Variants in SLC49A4 observed in about 807,000 individuals in gnomAD.
SLC49A4 encodes the protein disrupted in renal cancer protein 2.
In SLC49A4, 36 loss-of-function variants were observed where a neutral mutation model predicts 50.6. That is an observed-to-expected ratio of 0.71 (90% CI 0.55 to 0.94). The LOEUF is 0.94. SLC49A4 is among the 40% of genes least tolerant of loss of function. The probability of loss-of-function intolerance (pLI) is 0.00; values close to 1 mark genes in which losing one functional copy is unlikely to be tolerated. For synonymous variants in SLC49A4, 248 were observed against 241.2 expected (o/e 1.03, Z -0.26); for missense variants, 503 against 605.7 (o/e 0.83, Z 1.78).
At chr3:122,860,326 C>A in intron 7 of SLC49A4, 124 bp downstream of exon 7, 2 of 931,970 alleles carry the variant, frequency 2.1e-6, no homozygotes, top group Non-Finnish European at 1.5e-6. Flanking sequence ...AAAAGTTTCT[C>A]TTGTCCAGTC....
rs1935993567 is a variant in SLC49A4, at chr3:122,795,156, C to G, written c.-37C>G. ...CTGGGCTAGTCGGCGGTGACCCGGACTGCGCCCGGCAGTGGCTTCGCGGGC... is the reference window on the plus strand; with the variant it reads ...CTGGGCTAGTCGGCGGTGACCCGGAGTGCGCCCGGCAGTGGCTTCGCGGGC... On this transcript the variant is annotated 5_prime_UTR_variant, in exon 1 of 9. Coordinates refer to ENST00000261038, the MANE Select transcript of SLC49A4 (RefSeq NM_032839.3). The G allele has an allele frequency of 3.8e-6, 5 of 1,308,482 alleles. No homozygotes were observed. The highest frequency in any genetic ancestry group is 4.8e-6 in the Non-Finnish European group (5 of 1,037,596). The allele number at this position is 1,308,482 out of a possible 1,614,324, so 81.1% of individuals were successfully genotyped here.
chr3:122,839,107 A>G (rs1324198679), intron 4 of SLC49A4, among the ~76,000 whole-genome samples: 4 of 152,156 alleles, frequency 2.6e-5, no homozygotes, highest in Non-Finnish European at 5.9e-5. Flanking sequence ...CAACCAACTA[A>G]TCTTCAGCAA....
intron 1 of SLC49A4, among the ~76,000 whole-genome samples, chr3:122,799,550 C>CTG (rs1317679121): frequency 6.6e-6 from 1 of 152,150 alleles, no homozygotes. Flanking sequence ...ATACAGGGCC[C>CTG]TGTAAATCAT....
At chr3:122,813,512 A>T (rs1417736624) in intron 2 of SLC49A4, among the ~76,000 whole-genome samples, 2 of 152,166 alleles carry the variant, frequency 1.3e-5, no homozygotes, top group Non-Finnish European at 2.9e-5. Flanking sequence ...CTTCCTGCTC[A>T]TAATCCTCTC....
chr3:122,880,192 T>C lies in SLC49A4; in HGVS notation c.*814T>C, dbSNP rs564868685. On this transcript the variant is annotated 3_prime_UTR_variant, in exon 9 of 9. Coordinates refer to ENST00000261038, the MANE Select transcript of SLC49A4 (RefSeq NM_032839.3). ...CAAGTCACATGGACATACTGTGTCT[T>C]CTGCCTGTATATGGTGGCATGAGAT... 6.6e-6 allele frequency: 1 copy of C among 152,368 alleles called. No homozygotes were observed. Among genetic ancestry groups the C allele is most frequent in the South Asian group, 2.1e-4 (1 of 4,834 alleles). The allele number at this position is 152,368 out of a possible 1,614,324, so 9.4% of individuals were successfully genotyped here.
At chr3:122,847,710 G>C (rs6784004) in intron 5 of SLC49A4, among the ~76,000 whole-genome samples, 14,396 of 151,996 alleles carry the variant, frequency 0.095, 753 homozygotes, top group East Asian at 0.14. Flanking sequence ...ACCCCTATTT[G>C]GCTGGGTGTG....
chr3:122,865,400 G>A (rs1937104952), intron 7 of SLC49A4, among the ~76,000 whole-genome samples: 1 of 152,138 alleles, frequency 6.6e-6, no homozygotes, highest in African/African-American at 2.4e-5. Context: ...ATCCTCTTTT[G>A]GAACCACAGT....
At chr3:122,803,410 T>G (rs902452160) in intron 1 of SLC49A4, among the ~76,000 whole-genome samples, 4 of 152,110 alleles carry the variant, frequency 2.6e-5, no homozygotes, top group Admixed American at 6.5e-5. Context: ...GAAGAAGAGA[T>G]GAGGTCTCAT....
At chr3:122,827,088 C>T (rs1344855417) in intron 3 of SLC49A4, 23 bp downstream of exon 3, 1 of 1,589,376 alleles carries the variant, frequency 6.3e-7, no homozygotes, top group East Asian at 2.3e-5. Flanking sequence ...TTATTTTCTT[C>T]TTGTTATACT....
At chr3:122,840,467 A>G (rs897835864) in intron 4 of SLC49A4, among the ~76,000 whole-genome samples, 1 of 152,198 alleles carries the variant, frequency 6.6e-6, no homozygotes, top group African/African-American at 2.4e-5. Context: ...TAACAGGAAA[A>G]ATAAGTAAAA....
chr3:122,829,386 C>G (rs1936580166), intron 3 of SLC49A4, among the ~76,000 whole-genome samples: 2 of 152,190 alleles, frequency 1.3e-5, no homozygotes, highest in Non-Finnish European at 2.9e-5. Context: ...AACACCCTTT[C>G]AATGAACTGG....
At chr3:122,801,760 T>C (rs1261569003) in intron 1 of SLC49A4, among the ~76,000 whole-genome samples, 1 of 152,118 alleles carries the variant, frequency 6.6e-6, no homozygotes, top group African/African-American at 2.4e-5. Context: ...GATCATCTAG[T>C]GGATATTGAA....
chr3:122,871,684 T>C (rs1937198661), intron 7 of SLC49A4, among the ~76,000 whole-genome samples: 1 of 152,186 alleles, frequency 6.6e-6, no homozygotes, highest in Non-Finnish European at 1.5e-5. Flanking sequence ...CAAGGGTTTA[T>C]AGACAGACAG....
At chr3:122,812,419 AAGACT>A (rs1444835771) in intron 2 of SLC49A4, among the ~76,000 whole-genome samples, 1 of 152,224 alleles carries the variant, frequency 6.6e-6, no homozygotes, top group Admixed American at 6.5e-5. Flanking sequence ...TTTAAGAACT[AAGACT>A]TTTCTCAGTA....
chr3:122,857,284 TAAAAAAAAAAA>T (rs10694942), intron 6 of SLC49A4, among the ~76,000 whole-genome samples: 2 of 109,382 alleles, frequency 1.8e-5, no homozygotes, highest in African/African-American at 3.4e-5. Context: ...CCATTCGTTC[TAAAAAAAAAAA>T]AAAAAAAAAA....
intron 7 of SLC49A4, among the ~76,000 whole-genome samples, chr3:122,870,334 G>A (rs1348287871): frequency 1.3e-5 from 2 of 151,366 alleles, no homozygotes; most frequent in African/African-American, 4.9e-5. Flanking sequence ...GACTACCACT[G>A]ACTGATCAAT....
intron 2 of SLC49A4, among the ~76,000 whole-genome samples, chr3:122,808,274 A>T (rs1048176386): frequency 2.0e-5 from 3 of 152,206 alleles, no homozygotes; most frequent in Admixed American, 1.3e-4. Flanking sequence ...ACCAGCAATA[A>T]ACTAGATAAA....
rs1936538891 is a variant in SLC49A4 at position 122,826,968 on chromosome 3, A to C, written c.606A>C (p.Pro202=). The part of the protein sequence containing the change: ...LGGACAFLVG[P]LVVPAPNGTS... ...GAGCATGTGCATTTTTAGTTGGACC[A>C]CTTGTTGTTCCAGCTCCCAATGGGA... The change falls in exon 3 of 9, where the codon CCA becomes CCC. Residue 202 remains proline, a synonymous_variant. Transcript: ENST00000261038. 6.2e-7 allele frequency: 1 copy of C among 1,614,208 alleles called. No homozygotes were observed. Among genetic ancestry groups the C allele is most frequent in the Non-Finnish European group, 8.5e-7 (1 of 1,180,028 alleles).
chr3:122,845,705 T>C lies in SLC49A4; in HGVS notation c.834-58T>C, dbSNP rs191323366. The C allele has an allele frequency of 5.8e-5, 54 of 929,242 alleles. No individual in the cohort carries two copies. In the Admixed American group the frequency reaches 7.7e-4, roughly 13 times the overall value. 57.6% of individuals were successfully genotyped at this position (929,242 alleles called of 1,614,324 possible). A position where few individuals can be genotyped will look rare whatever the true frequency, so the allele number is the denominator to read the frequency against. On this transcript the variant is annotated intron_variant, in intron 4 of 8. Coordinates refer to ENST00000261038, the MANE Select transcript of SLC49A4 (RefSeq NM_032839.3). ...CCAAATGACATACATTTTTCATGACTAAGTTTATTCTAGATTTTTAATTTG... is the reference window on the plus strand; with the variant it reads ...CCAAATGACATACATTTTTCATGACCAAGTTTATTCTAGATTTTTAATTTG...
Sources: allele counts gnomAD v4.1 joint callset (sites outside exome capture counted in the v4.1 genomes callset), GRCh38; gene constraint gnomAD v4.1.1; transcripts MANE v1.5; gene names NCBI Gene and HGNC (gene_info 2026-07-23, HGNC 2026-07-21).